Variants in PPM1L observed in about 807,000 individuals in gnomAD.
PPM1L encodes the protein protein phosphatase, Mg2+/Mn2+ dependent 1L.
A neutral mutation model predicts 31.4 loss-of-function variants in PPM1L; 13 were observed. The ratio of observed to expected loss-of-function variants is 0.41; its 90% CI spans 0.27 to 0.66. The LOEUF (loss-of-function observed/expected upper bound fraction) is 0.66. PPM1L is among the 30% of genes least tolerant of loss of function. PPM1L has a pLI of 0.29. For synonymous variants in PPM1L, 184 were observed against 175.4 expected (o/e 1.05, Z -0.39); for missense variants, 326 against 453.7 (o/e 0.72, Z 2.56).
intron 2 of PPM1L, among the ~76,000 whole-genome samples, chr3:161,031,697 G>T (rs890302116): frequency 6.6e-6 from 1 of 151,880 alleles, no homozygotes; most frequent in East Asian, 1.9e-4. Flanking sequence ...TGTGGAGACA[G>T]GTCTCGCTGT....
At chr3:161,044,043 T>A (rs543961436) in intron 2 of PPM1L, among the ~76,000 whole-genome samples, 1 of 152,240 alleles carries the variant, frequency 6.6e-6, no homozygotes, top group Non-Finnish European at 1.5e-5. Context: ...TATATTGCTC[T>A]GTGTATGTTT....
intron 1 of PPM1L, among the ~76,000 whole-genome samples, chr3:160,761,206 G>T (rs567010167): frequency 5.3e-5 from 8 of 152,160 alleles, no homozygotes; most frequent in Non-Finnish European, 1.2e-4. Flanking sequence ...CTGAATTTCA[G>T]ATTAGTCTAG....
intron 1 of PPM1L, among the ~76,000 whole-genome samples, chr3:160,929,103 T>G (rs1051133180): frequency 3.9e-5 from 6 of 152,152 alleles, no homozygotes; most frequent in African/African-American, 1.4e-4. Context: ...GAGTTTCAAC[T>G]CATCTAGTAA....
chr3:160,830,263 C>T (rs1440469764), intron 1 of PPM1L, among the ~76,000 whole-genome samples: 2 of 152,156 alleles, frequency 1.3e-5, no homozygotes, highest in East Asian at 3.8e-4. Flanking sequence ...CATGGATTAG[C>T]TCATTTAATC....
chr3:161,034,635 C>A (rs1718685860), intron 2 of PPM1L, among the ~76,000 whole-genome samples: 1 of 145,242 alleles, frequency 6.9e-6, no homozygotes, highest in Non-Finnish European at 1.5e-5. Context: ...AAGTGGGAGT[C>A]AAACAATGAG....
At position 160,934,741 on chromosome 3, in the gene PPM1L, C is replaced by T. The variant is rs1576724198; in HGVS notation, c.400-26995C>T. Among the ~76,000 whole-genome samples the T allele has an allele frequency of 2.0e-5, 3 of 152,158 alleles. No homozygotes were observed. The South Asian group carries it at 6.2e-4, about 32-fold the overall frequency. On this transcript the variant is annotated intron_variant, in intron 1 of 3. Coordinates refer to ENST00000498165, the MANE Select transcript of PPM1L (RefSeq NM_139245.4). ...GCCGAAGTGGGTGGATCACTTGAGC[C>T]TAGGAGTTTGAGACACGCCTGGGCA...
chr3:160,916,334 G>T (rs1714180751), intron 1 of PPM1L, among the ~76,000 whole-genome samples: 1 of 152,084 alleles, frequency 6.6e-6, no homozygotes, highest in African/African-American at 2.4e-5. Flanking sequence ...GGCCATCAGA[G>T]AAATGCAAAT....
In PPM1L at chr3:161,065,390, T is replaced by G; in HGVS notation, c.575-13T>G. ...GCTGACCTCCCGCGTTCTCTCTCTC[T>G]TCTATTTTTCAGGCACAACGTGTTT... On this transcript the variant is annotated splice_polypyrimidine_tract_variant and intron_variant, in intron 2 of 3. Coordinates refer to ENST00000498165, the MANE Select transcript of PPM1L (RefSeq NM_139245.4). 1 of 1,613,188 alleles carries G rather than the reference T, an allele frequency of 6.2e-7. No homozygotes were observed. Among genetic ancestry groups the G allele is most frequent in the Non-Finnish European group, 8.5e-7 (1 of 1,179,304 alleles).
intron 1 of PPM1L, among the ~76,000 whole-genome samples, chr3:160,818,376 C>A (rs182550823): frequency 6.6e-6 from 1 of 152,132 alleles, no homozygotes; most frequent in African/African-American, 2.4e-5. Context: ...GTTTGAAAGC[C>A]TTTGTTTAGT....
rs751858373 is a variant in PPM1L, at chr3:160,961,897, C to G, written c.561C>G (p.Ser187=). The G allele has an allele frequency of 1.3e-6, 2 of 1,574,826 alleles. No individual in the cohort carries two copies. The highest frequency in any genetic ancestry group is 1.7e-6 in the Non-Finnish European group (2 of 1,165,790). The change falls in exon 2 of 4, where the codon TCC becomes TCG. Residue 187 remains serine (S), a synonymous_variant. Coordinates refer to ENST00000498165, the MANE Select transcript of PPM1L (RefSeq NM_139245.4). ...AAATGCTAGAAAAATTGACTGTATCCTATGATGAAGCAGGTATGTTTGTTT... is the reference window on the plus strand; with the variant it reads ...AAATGCTAGAAAAATTGACTGTATCGTATGATGAAGCAGGTATGTTTGTTT... The part of the protein sequence containing the change: ...DREMLEKLTV[S]YDEAGTTCLI...
intron 2 of PPM1L, among the ~76,000 whole-genome samples, chr3:161,010,678 A>AGC (rs1304348714): frequency 9.9e-5 from 15 of 152,190 alleles, no homozygotes; most frequent in Non-Finnish European, 2.1e-4. Context: ...CATCCTCTCC[A>AGC]GCACCTGTTG....
At chr3:160,817,219 G>C (rs1239942094) in intron 1 of PPM1L, among the ~76,000 whole-genome samples, 1 of 152,034 alleles carries the variant, frequency 6.6e-6, no homozygotes, top group African/African-American at 2.4e-5. Context: ...AAAACCAGGA[G>C]TGGAATATAA....
chr3:161,064,185 T>TAAA (rs772222080), intron 2 of PPM1L, among the ~76,000 whole-genome samples: 13 of 125,690 alleles, frequency 1.0e-4, no homozygotes. Context: ...AAAGTAAAAT[T>TAAA]AAAAAAAAAA....
At chr3:160,779,712 A>G (rs1456323993) in intron 1 of PPM1L, among the ~76,000 whole-genome samples, 1 of 146,662 alleles carries the variant, frequency 6.8e-6, no homozygotes, top group Non-Finnish European at 1.5e-5. Context: ...TTTTTTTTTT[A>G]GTAGAGACGG....
At chr3:160,918,812 A>G (rs1009148745) in intron 1 of PPM1L, among the ~76,000 whole-genome samples, 3 of 152,224 alleles carry the variant, frequency 2.0e-5, no homozygotes, top group African/African-American at 4.8e-5. Context: ...AATAATTTAA[A>G]TCCAGAAAAG....
chr3:160,861,428 TACTA>T (rs1381336482), intron 1 of PPM1L, among the ~76,000 whole-genome samples: 1 of 152,206 alleles, frequency 6.6e-6, no homozygotes, highest in Non-Finnish European at 1.5e-5. Context: ...TATAAATAAA[TACTA>T]AATAATTCTT....
rs1251713102 is a variant in PPM1L, at chr3:160,958,902, AT to A, written c.400-2831del. Reference sequence around the variant, plus strand: ...TCTTTTCATCCTAAATTTTGTTATCATTTAAAGAGAAAATCATGAAGGTTAT... The same window carrying A: ...TCTTTTCATCCTAAATTTTGTTATCATTAAAGAGAAAATCATGAAGGTTAT... On this transcript the variant is annotated intron_variant, in intron 1 of 3. Transcript: ENST00000498165. Among the ~76,000 whole-genome samples the A allele has an allele frequency of 2.6e-5, 4 of 152,262 alleles. No individual in the cohort carries two copies. The East Asian group carries it at 5.8e-4, about 22-fold the overall frequency.
At chr3:161,034,724 G>T (rs918598446) in intron 2 of PPM1L, among the ~76,000 whole-genome samples, 3 of 151,408 alleles carry the variant, frequency 2.0e-5, no homozygotes, top group African/African-American at 7.3e-5. Flanking sequence ...GTAGGGGAGG[G>T]ATAGCATTAG....
chr3:161,003,006 G>C (rs1377403137), intron 2 of PPM1L, among the ~76,000 whole-genome samples: 2 of 150,154 alleles, frequency 1.3e-5, no homozygotes, highest in African/African-American at 4.9e-5. Context: ...ATCTTGAATT[G>C]ATTTTTGTAT....
Sources: allele counts gnomAD v4.1 joint callset (sites outside exome capture counted in the v4.1 genomes callset), GRCh38; gene constraint gnomAD v4.1.1; transcripts MANE v1.5; gene names NCBI Gene and HGNC (gene_info 2026-07-23, HGNC 2026-07-21).